MARCHF1: variants seen among roughly 807,000 people sequenced by gnomAD.
The protein encoded by MARCHF1 is membrane associated ring-CH-type finger 1.
In MARCHF1, 40 loss-of-function variants were observed where a neutral mutation model predicts 54.2. The observed-to-expected ratio is 0.74, with a 90% CI of 0.57 to 0.96. MARCHF1 has a LOEUF of 0.96. Ranked by LOEUF, MARCHF1 falls within the 40% of genes least tolerant of loss-of-function variation. The pLI, the probability that MARCHF1 is intolerant of heterozygous loss-of-function variation, is 0.00. For missense variants in MARCHF1, 586 were observed against 656.5 expected, an observed-to-expected ratio of 0.89 and a Z score of 1.17; for synonymous variants, 236 against 236.3, an observed-to-expected ratio of 1.00 and a Z score of 0.01.
intron 1 of MARCHF1, among the ~76,000 whole-genome samples, chr4:164,332,596 A>T (rs1330830389): frequency 6.8e-6 from 1 of 147,500 alleles, no homozygotes; most frequent in Non-Finnish European, 1.5e-5. Context: ...CAGGGTGCAG[A>T]AAAGATCAGT....
In MARCHF1 at chr4:163,627,096, G is replaced by A. The variant is rs1741898605; in HGVS notation, c.163-13703C>T. On this transcript the variant is annotated intron_variant, in intron 5 of 9. Coordinates refer to ENST00000514618, the MANE Select transcript of MARCHF1 (RefSeq NM_001394959.1). ...GATGGAAGTTTATAAAGATGACCTG[G>A]TCTAACCCTCATCTGATACTATTAT... Among the ~76,000 whole-genome samples, 3 of 152,086 alleles carry A rather than the reference G, an allele frequency of 2.0e-5. 1 individual carries two copies. In the South Asian group the frequency reaches 6.2e-4, roughly 32 times the overall value.
chr4:163,599,394 AG>A (rs1228468440), intron 7 of MARCHF1, among the ~76,000 whole-genome samples: 1 of 145,864 alleles, frequency 6.9e-6, no homozygotes, highest in East Asian at 2.0e-4. Context: ...ACATATATAC[AG>A]TCTGTCCTTG....
rs201059581 is a variant in MARCHF1, at chr4:163,842,073, T to C, written c.111+11948A>G. 5.9e-5 allele frequency among the ~76,000 whole-genome samples: 9 copies of C among 152,272 alleles called. No homozygotes were observed. The East Asian group carries it at 1.7e-3, about 29-fold the overall frequency. On this transcript the variant is annotated intron_variant, in intron 4 of 9. Coordinates refer to ENST00000514618, the MANE Select transcript of MARCHF1 (RefSeq NM_001394959.1). The stretch of plus-strand genomic sequence containing the variant: ...GGAATTGGCTTCAAATGTTGAATAC[T>C]TTCCTGAATGACATTATGCTAAAAA...
At chr4:164,240,391 T>C (rs1291559640) in intron 1 of MARCHF1, among the ~76,000 whole-genome samples, 1 of 152,190 alleles carries the variant, frequency 6.6e-6, no homozygotes, top group Non-Finnish European at 1.5e-5. Flanking sequence ...TATATTGGTG[T>C]CTGGATAAGT....
intron 1 of MARCHF1, among the ~76,000 whole-genome samples, chr4:164,219,159 G>A (rs1193959056): frequency 6.6e-6 from 1 of 152,020 alleles, no homozygotes; most frequent in Non-Finnish European, 1.5e-5. Context: ...CATTCATCAA[G>A]GAAGATTATA....
intron 1 of MARCHF1, among the ~76,000 whole-genome samples, chr4:164,139,953 C>T (rs1286004965): frequency 1.3e-5 from 2 of 151,956 alleles, no homozygotes; most frequent in Non-Finnish European, 1.5e-5. Context: ...TCATTTTTCT[C>T]CCCCAACCCC....
At chr4:163,952,273 A>T (rs569625065) in intron 3 of MARCHF1, among the ~76,000 whole-genome samples, 1 of 152,288 alleles carries the variant, frequency 6.6e-6, no homozygotes, top group Admixed American at 6.5e-5. Flanking sequence ...CTATATAACG[A>T]TACACACTGT....
chr4:163,632,902 G>C (rs1258819758), intron 5 of MARCHF1, among the ~76,000 whole-genome samples: 1 of 152,212 alleles, frequency 6.6e-6, no homozygotes, highest in African/African-American at 2.4e-5. Context: ...GGAGATCTGA[G>C]AACGGGCAGA....
At chr4:163,862,878 T>C (rs1401647188) in intron 3 of MARCHF1, among the ~76,000 whole-genome samples, 2 of 152,044 alleles carry the variant, frequency 1.3e-5, no homozygotes, top group East Asian at 3.9e-4. Context: ...TATTATTCAG[T>C]AATTAAAGGA....
intron 5 of MARCHF1, among the ~76,000 whole-genome samples, chr4:163,676,060 T>C (rs1743902264): frequency 6.6e-6 from 1 of 151,732 alleles, no homozygotes; most frequent in South Asian, 2.1e-4. Context: ...ATCAGAAGAT[T>C]GGCCGGGTGT....
chr4:163,774,156 C>T (rs536858755), intron 4 of MARCHF1, among the ~76,000 whole-genome samples: 14 of 152,264 alleles, frequency 9.2e-5, no homozygotes, highest in South Asian at 2.1e-4. Context: ...TGCATATCCT[C>T]TTATATATTT....
chr4:163,849,506 T>C (rs1267040834), intron 4 of MARCHF1, among the ~76,000 whole-genome samples: 1 of 152,160 alleles, frequency 6.6e-6, no homozygotes, highest in Non-Finnish European at 1.5e-5. Flanking sequence ...AAAGAAGGAA[T>C]GCATTTGTGA....
chr4:163,700,785 CA>C, intron 5 of MARCHF1, 27 bp downstream of exon 5: 3 of 1,523,004 alleles, frequency 2.0e-6, no homozygotes, highest in Non-Finnish European at 2.6e-6. Context: ...CAGAAGTCAA[CA>C]AACAAGAAAA....
chr4:164,149,658 G>C (rs1429901505), intron 1 of MARCHF1, among the ~76,000 whole-genome samples: 1 of 151,994 alleles, frequency 6.6e-6, no homozygotes, highest in African/African-American at 2.4e-5. Context: ...TTTTAGATTC[G>C]GGTCAGTAGT....
intron 1 of MARCHF1, among the ~76,000 whole-genome samples, chr4:164,239,053 A>G (rs1036067694): frequency 6.6e-6 from 1 of 151,936 alleles, no homozygotes; most frequent in Non-Finnish European, 1.5e-5. Flanking sequence ...CAGGTTATAT[A>G]TTTGTTGATT....
At chr4:164,286,741 T>C (rs1734160679) in intron 1 of MARCHF1, among the ~76,000 whole-genome samples, 1 of 149,460 alleles carries the variant, frequency 6.7e-6, no homozygotes, top group Admixed American at 6.7e-5. Context: ...ATAATAAATC[T>C]ATAAGCAGAG....
intron 2 of MARCHF1, among the ~76,000 whole-genome samples, chr4:164,019,260 A>G (rs781449449): frequency 6.6e-6 from 1 of 152,158 alleles, no homozygotes; most frequent in African/African-American, 2.4e-5. Context: ...CTCCAGGTGC[A>G]CTGTATTTTC....
At chr4:163,708,620 C>A (rs1048978061) in intron 4 of MARCHF1, among the ~76,000 whole-genome samples, 4 of 152,128 alleles carry the variant, frequency 2.6e-5, no homozygotes, top group East Asian at 1.9e-4. Flanking sequence ...AAATATGATT[C>A]TTTTAAAAAC....
chr4:163,809,838 A>T (rs1032258942), intron 4 of MARCHF1, among the ~76,000 whole-genome samples: 2 of 152,200 alleles, frequency 1.3e-5, no homozygotes, highest in African/African-American at 2.4e-5. Flanking sequence ...GAGTTGTATC[A>T]TCTAAATAAT....
Sources: allele counts gnomAD v4.1 joint callset (sites outside exome capture counted in the v4.1 genomes callset), GRCh38; gene constraint gnomAD v4.1.1; transcripts MANE v1.5; gene names NCBI Gene and HGNC (gene_info 2026-07-23, HGNC 2026-07-21).